The following KIAA1671 variants were observed in gnomAD, a reference collection of about 807,000 sequenced individuals.
The protein encoded by KIAA1671 is uncharacterized protein KIAA1671.
A neutral mutation model predicts 131.2 loss-of-function variants in KIAA1671; 52 were observed. The ratio of observed to expected loss-of-function variants is 0.40; its 90% CI spans 0.32 to 0.50. The LOEUF (loss-of-function observed/expected upper bound fraction) is 0.50. KIAA1671 is among the 20% of genes least tolerant of loss of function. The pLI is 0.73. For synonymous variants in KIAA1671, 1,003 were observed against 961.6 expected, an observed-to-expected ratio of 1.04 and a Z score of -0.80; for missense variants, 2,360 against 2,364.2, an observed-to-expected ratio of 1.00 and a Z score of 0.04.
intron 1 of KIAA1671, among the ~76,000 whole-genome samples, chr22:24,971,360 G>C (rs1382116487): frequency 1.3e-5 from 2 of 152,204 alleles, no homozygotes; most frequent in African/African-American, 4.8e-5. Context: ...GTACTACCCA[G>C]AGCTGTCCAT....
At chr22:25,063,899 C>G (rs1326579525) in intron 6 of KIAA1671, 1 of 152,144 alleles carries the variant, frequency 6.6e-6, no homozygotes. Context: ...TGTAAACATC[C>G]CATGACTATC....
rs1441252265 is a variant in KIAA1671 at position 25,029,390 on chromosome 22, C to T, written c.1391C>T (p.Ala464Val). Residue 464 changes from alanine to valine, a missense_variant, in exon 3 of 13, where the codon GCG becomes GTG. By Grantham distance (64) the Ala-to-Val change is moderately conservative (BLOSUM62 0). Transcript: ENST00000358431. ...TCTGAATCTCCCCTGGCCACCCCTG[C>T]GTCCCCATCGGCGGCACCAGAGCCG... The part of the protein sequence containing the change: ...VGSESPLATP[A>V]SPSAAPEPEK... 12 of 1,551,312 alleles carry T rather than the reference C, an allele frequency of 7.7e-6. No homozygotes were observed. Among genetic ancestry groups the T allele is most frequent in the East Asian group, 2.4e-5 (1 of 40,928 alleles).
Position 24,952,794 on chromosome 22 carries a change from G to T in KIAA1671, c.-208+22G>T. The stretch of plus-strand genomic sequence containing the variant: ...CACGGTAGGTTGCGCAGCGGCTGCG[G>T]GCAGTGGGGGCCGGCTGGCCGCCTC... On this transcript the variant is annotated intron_variant, in intron 1 of 12. Transcript: ENST00000358431. This position sits in a 1 kb window ranked among gnomAD's most constrained non-coding sequence, Gnocchi z 4.5. The T allele has an allele frequency of 6.5e-6, 1 of 153,004 alleles. No individual in the cohort carries two copies. Among genetic ancestry groups the T allele is most frequent in the South Asian group, 1.8e-4 (1 of 5,496 alleles). 9.5% of individuals were successfully genotyped at this position (153,004 alleles called of 1,614,324 possible). A position where few individuals can be genotyped will look rare whatever the true frequency, so the allele number is the denominator to read the frequency against.
Position 25,040,167 on chromosome 22 carries a change from C to G in KIAA1671, c.3037C>G (p.Pro1013Ala), listed in dbSNP as rs931183673. ...NPGASRDQTS[P>A]AVKQGSPVEP... Reference sequence around the variant, plus strand: ...AGGTGCTTCACGGGACCAGACTTCCCCAGCAGTGAAGCAAGGGTCACCTGT... The same window carrying G: ...AGGTGCTTCACGGGACCAGACTTCCGCAGCAGTGAAGCAAGGGTCACCTGT... Residue 1013 changes from proline (P) to alanine (A), a missense_variant, in exon 5 of 13, where the codon CCA becomes GCA. Around this residue, in one of 3 missense-constraint regions of KIAA1671, gnomAD observed 1,161 missense variants for 1,204.7 expected, o/e 0.96. Coordinates refer to ENST00000358431, the MANE Select transcript of KIAA1671 (RefSeq NM_001145206.2). The G allele has an allele frequency of 1.5e-5, 24 of 1,551,602 alleles. No individual in the cohort carries two copies. The highest frequency in any genetic ancestry group is 2.1e-5 in the Non-Finnish European group (24 of 1,147,022).
intron 6 of KIAA1671, chr22:25,053,467 G>A (rs1927655575): frequency 6.6e-6 from 1 of 152,216 alleles, no homozygotes; most frequent in East Asian, 1.9e-4. Context: ...TCATCAGCTG[G>A]GAGGCTTCCT....
In KIAA1671 at chr22:25,040,544, T is replaced by C. The variant is rs1363533147; in HGVS notation, c.3414T>C (p.Asp1138=). 2 of 1,551,664 alleles carry C rather than the reference T, an allele frequency of 1.3e-6. No individual in the cohort carries two copies. The highest frequency in any genetic ancestry group is 2.7e-5 in the African/African-American group (2 of 73,034). The change falls in exon 5 of 13, where the codon GAT becomes GAC. Residue 1138 remains aspartate (D), a synonymous_variant. Transcript: ENST00000358431. ...TATGGAGTCATCGGGGATCAGAAGA[T>C]GGCCCTCGTCCTCAAAGCAATTGGA... ...DALWSHRGSE[D]GPRPQSNWKE...
chr22:25,114,396 C>T (rs1480615015), intron 6 of KIAA1671, among the ~76,000 whole-genome samples: 3 of 152,264 alleles, frequency 2.0e-5, no homozygotes, highest in African/African-American at 7.2e-5. Context: ...CTTGTGAATG[C>T]TCTCTCTCTG....
In KIAA1671 at chr22:24,956,382, C is replaced by A. The variant is rs117827232; in HGVS notation, c.-208+3610C>A. On this transcript the variant is annotated intron_variant, in intron 1 of 12. Coordinates refer to ENST00000358431, the MANE Select transcript of KIAA1671 (RefSeq NM_001145206.2). Reference sequence around the variant, plus strand: ...ATTATTCCCATTTCACTGATGCAGGCCTCTGTGGCATTGTGAGGCGTTTGC... The same window carrying A: ...ATTATTCCCATTTCACTGATGCAGGACTCTGTGGCATTGTGAGGCGTTTGC... 7.5e-3 allele frequency among the ~76,000 whole-genome samples: 1,144 copies of A among 152,332 alleles called. 21 individuals carry two copies. In the East Asian group the frequency reaches 0.078, roughly 10 times the overall value.
At position 25,040,590 on chromosome 22, in the gene KIAA1671, T is replaced by TC; in HGVS notation, c.3465dup (p.Ser1156GlnfsTer25). 6.4e-7 allele frequency: 1 copy of TC among 1,551,590 alleles called. No individual in the cohort carries two copies. Among genetic ancestry groups the TC allele is most frequent in the Non-Finnish European group, 8.7e-7 (1 of 1,146,984 alleles). ...TTGGAAGGAAAGTGCGAACAAGATGTCCCCCAGCGGCGGAGCTCCCCAAAC... is the reference window on the plus strand; with the variant it reads ...TTGGAAGGAAAGTGCGAACAAGATGTCCCCCCAGCGGCGGAGCTCCCCAAAC... On this transcript the variant is annotated frameshift_variant, in exon 5 of 13. Transcript: ENST00000358431. LOFTEE classifies it high-confidence loss of function.
Position 25,197,405 on chromosome 22 carries a change from A to G in KIAA1671, c.*5004A>G, listed in dbSNP as rs531677916. On this transcript the variant is annotated 3_prime_UTR_variant, in exon 13 of 13. Coordinates refer to ENST00000358431, the MANE Select transcript of KIAA1671 (RefSeq NM_001145206.2). ...TGTACAAAGATGTTGCATTCAGACT[A>G]TGAAAATAGCAAATAAAGCTTTGGT... is the stretch of plus-strand genomic sequence containing the variant. The G allele has an allele frequency of 8.5e-5, 13 of 152,376 alleles. No homozygotes were observed. The South Asian group carries it at 1.0e-3, about 12-fold the overall frequency. The allele number at this position is 152,376 out of a possible 1,614,324, so 9.4% of individuals were successfully genotyped here.
intron 10 of KIAA1671, among the ~76,000 whole-genome samples, chr22:25,183,897 A>G (rs1197821997): frequency 2.0e-5 from 3 of 148,900 alleles, no homozygotes; most frequent in Non-Finnish European, 4.5e-5. Flanking sequence ...AAATGATCTT[A>G]TAAGGTAGCC....
At chr22:25,122,363 T>A (rs1229871157) in intron 6 of KIAA1671, among the ~76,000 whole-genome samples, 1 of 152,162 alleles carries the variant, frequency 6.6e-6, no homozygotes, top group Non-Finnish European at 1.5e-5. Flanking sequence ...TGGGAGTTAC[T>A]GTCCCTTTCC....
intron 1 of KIAA1671, among the ~76,000 whole-genome samples, chr22:24,953,795 T>C (rs1921548115): frequency 1.3e-5 from 2 of 152,228 alleles, no homozygotes; most frequent in African/African-American, 4.8e-5. Flanking sequence ...GGCTAGGGCT[T>C]CCTGCCTGCC....
intron 1 of KIAA1671, among the ~76,000 whole-genome samples, chr22:24,957,694 T>TTTTTTTG (rs1921786319): frequency 2.1e-5 from 3 of 146,316 alleles, no homozygotes; most frequent in Admixed American, 6.8e-5. Context: ...TTTTTTTTTT[T>TTTTTTTG]GAGACGGAGT....
chr22:25,191,934 T>C (rs1484019818), intron 12 of KIAA1671, among the ~76,000 whole-genome samples: 3 of 152,198 alleles, frequency 2.0e-5, no homozygotes, highest in Non-Finnish European at 4.4e-5. Flanking sequence ...TATTATCTGC[T>C]TGATTATGGT....
intron 5 of KIAA1671, among the ~76,000 whole-genome samples, chr22:25,044,803 A>G (rs982757986): frequency 4.6e-5 from 7 of 152,180 alleles, no homozygotes; most frequent in Non-Finnish European, 7.4e-5. Context: ...TCACTTATCA[A>G]TCATATATAT....
intron 6 of KIAA1671, among the ~76,000 whole-genome samples, chr22:25,090,080 C>T (rs1188481726): frequency 1.3e-5 from 2 of 152,226 alleles, no homozygotes; most frequent in African/African-American, 4.8e-5. Flanking sequence ...AATGCCCCCA[C>T]CTCTGCCAGG....
chr22:25,035,051 T>C (rs1383419350), intron 4 of KIAA1671, among the ~76,000 whole-genome samples: 2 of 143,666 alleles, frequency 1.4e-5, no homozygotes, highest in Non-Finnish European at 3.0e-5. Context: ...TTTTTTTTTT[T>C]TTTTCTAATT....
At chr22:25,055,528 C>G (rs1927785618) in intron 6 of KIAA1671, 1 of 149,548 alleles carries the variant, frequency 6.7e-6, no homozygotes, top group African/African-American at 2.4e-5. Flanking sequence ...TCCAGACCAG[C>G]CTGGGCTGAA....
Sources: gnomAD v4.1 joint callset for allele counts (sites outside exome capture counted in the v4.1 genomes callset) on GRCh38, gnomAD v4.1.1 for gene constraint, gnomAD v4.1.1 regional missense constraint, Gnocchi (gnomAD v3.1) non-coding constraint, MANE v1.5 for transcripts, NCBI Gene and HGNC (gene_info 2026-07-23, HGNC 2026-07-21) for gene names.